Variants in FCHO2 observed in about 807,000 individuals in gnomAD.
FCHO2 encodes FCH and mu domain containing endocytic adaptor 2.
Under a neutral mutation model 114.1 loss-of-function variants are expected in FCHO2, and 43 were observed. That is an observed-to-expected ratio of 0.38 (90% CI 0.30 to 0.49). FCHO2 has a LOEUF of 0.49. Among genes scored for constraint, FCHO2 ranks in the 20% least tolerant of loss-of-function variants. The pLI, the probability that FCHO2 is intolerant of heterozygous loss-of-function variation, is 0.97. For missense variants in FCHO2, 807 were observed against 950.4 expected (o/e 0.85, Z 1.98); for synonymous variants, 293 against 315.2 (o/e 0.93, Z 0.75).
intron 24 of FCHO2, among the ~76,000 whole-genome samples, chr5:73,085,557 T>G (rs997733439): frequency 2.0e-5 from 3 of 146,622 alleles, no homozygotes; most frequent in Non-Finnish European, 3.0e-5. Flanking sequence ...GGTGGATCAC[T>G]TGAGGCCAGG....
At chr5:73,052,084 G>A (rs534974634) in intron 12 of FCHO2, among the ~76,000 whole-genome samples, 33 of 151,792 alleles carry the variant, frequency 2.2e-4, no homozygotes, top group African/African-American at 7.7e-4. Flanking sequence ...CCACCATGCC[G>A]AGCTAATTTT....
chr5:72,980,329 G>A lies in FCHO2; in HGVS notation c.126-9098G>A, dbSNP rs543484147. ...TGAGAGACTGTTTGTTATGATTTCC[G>A]TTCTTTTGCATTTGCTGAGGAGTGT... On this transcript the variant is annotated intron_variant, in intron 2 of 25. Coordinates refer to ENST00000430046, the MANE Select transcript of FCHO2 (RefSeq NM_138782.3). Among the ~76,000 whole-genome samples, 7 of 152,234 alleles carry A rather than the reference G, an allele frequency of 4.6e-5. 1 individual carries two copies. The highest frequency in any genetic ancestry group is 2.1e-4 in the South Asian group (1 of 4,822).
chr5:73,070,310 G>C (rs1244553412), intron 19 of FCHO2, among the ~76,000 whole-genome samples: 2 of 152,086 alleles, frequency 1.3e-5, no homozygotes, highest in Non-Finnish European at 2.9e-5. Flanking sequence ...AAAATGGCTT[G>C]ATTTCTAAAT....
intron 5 of FCHO2, among the ~76,000 whole-genome samples, chr5:73,003,853 G>T (rs1183879747): frequency 6.6e-6 from 1 of 151,796 alleles, no homozygotes; most frequent in Non-Finnish European, 1.5e-5. Context: ...AGATCAGCTT[G>T]GCCAACATGG....
chr5:72,979,591 C>T (rs1753083534), intron 2 of FCHO2, among the ~76,000 whole-genome samples: 1 of 151,028 alleles, frequency 6.6e-6, no homozygotes, highest in African/African-American at 2.4e-5. Context: ...CGGGGTTTCA[C>T]CGTGTTAGCC....
intron 5 of FCHO2, chr5:72,997,250 G>A: frequency 8.4e-7 from 1 of 1,191,400 alleles, no homozygotes; most frequent in Non-Finnish European, 1.2e-6. Context: ...GAGGCCCCAT[G>A]TGGATTTCTT....
intron 1 of FCHO2, among the ~76,000 whole-genome samples, chr5:72,961,975 A>G (rs1751899884): frequency 6.6e-6 from 1 of 152,162 alleles, no homozygotes; most frequent in South Asian, 2.1e-4. Flanking sequence ...TTATTGTATA[A>G]CTTTTAGCAA....
intron 11 of FCHO2, among the ~76,000 whole-genome samples, chr5:73,044,664 T>C (rs1756970359): frequency 6.6e-6 from 1 of 152,144 alleles, no homozygotes; most frequent in African/African-American, 2.4e-5. Context: ...GTGTAATTGC[T>C]CTTTTTTTCT....
rs1335616698 is a variant in FCHO2, at chr5:73,037,925, A to T, written c.914+710A>T. The T allele has an allele frequency of 8.7e-5, 26 of 299,932 alleles. 1 individual carries two copies. The highest frequency in any genetic ancestry group is 6.6e-4 in the South Asian group (26 of 39,472). The allele number at this position is 299,932 out of a possible 1,614,324, so 18.6% of individuals were successfully genotyped here. A position where few individuals can be genotyped will look rare whatever the true frequency, so the allele number is the denominator to read the frequency against. The stretch of plus-strand genomic sequence containing the variant: ...CGGCGCCCACCACCACATCTGGCTA[A>T]TTTTTTGTATTTTTAGTAGAGACAG... On this transcript the variant is annotated intron_variant, in intron 10 of 25. Coordinates refer to ENST00000430046, the MANE Select transcript of FCHO2 (RefSeq NM_138782.3).
intron 19 of FCHO2, 112 bp downstream of exon 19, chr5:73,068,891 T>A (rs1175973232): frequency 7.8e-7 from 1 of 1,283,992 alleles, no homozygotes; most frequent in African/African-American, 1.5e-5. Context: ...ATAAATTTTG[T>A]TTTTCTGGAA....
At chr5:73,077,259 C>T (rs543977937) in intron 20 of FCHO2, 79 bp from the exon 21 acceptor site, 16 of 1,357,344 alleles carry the variant, frequency 1.2e-5, no homozygotes, top group South Asian at 4.4e-5. Flanking sequence ...CACGTGCACG[C>T]GTGTGCCTTT....
chr5:73,001,054 G>A (rs1023113601), intron 5 of FCHO2, among the ~76,000 whole-genome samples: 2 of 152,080 alleles, frequency 1.3e-5, no homozygotes, highest in African/African-American at 4.8e-5. Flanking sequence ...TAATAATTTA[G>A]TATTGTGTAG....
chr5:72,984,118 T>C (rs1361826661), intron 2 of FCHO2, among the ~76,000 whole-genome samples: 1 of 152,186 alleles, frequency 6.6e-6, no homozygotes, highest in Non-Finnish European at 1.5e-5. Context: ...AATTTGCATT[T>C]CTCTGGTGAA....
Position 73,088,069 on chromosome 5 carries a change from A to G in FCHO2, c.2412A>G (p.Gly804=). The G allele has an allele frequency of 3.1e-6, 5 of 1,613,574 alleles. No homozygotes were observed. The highest frequency in any genetic ancestry group is 4.2e-6 in the Non-Finnish European group (5 of 1,179,744). ...LSLIKKRFAT[G]RYLADC The stretch of plus-strand genomic sequence containing the variant: ...AAAGGTCTGCTTGGCGTTTTTCAGG[A>G]CGATACCTGGCGGATTGTTGATGGA... Residue 804 remains glycine, a splice_region_variant and synonymous_variant, in exon 26 of 26, where the codon GGA becomes GGG. Transcript: ENST00000430046.
At chr5:72,968,003 C>T (rs143486194) in intron 1 of FCHO2, among the ~76,000 whole-genome samples, 40 of 151,730 alleles carry the variant, frequency 2.6e-4, no homozygotes, top group African/African-American at 9.4e-4. Context: ...CGGCTCACTG[C>T]AAGCTCTGCC....
intron 24 of FCHO2, among the ~76,000 whole-genome samples, chr5:73,086,622 T>C (rs781069902): frequency 6.6e-6 from 1 of 152,214 alleles, no homozygotes; most frequent in Non-Finnish European, 1.5e-5. Context: ...TTTCCTATCA[T>C]CTAGAGTCCT....
intron 5 of FCHO2, among the ~76,000 whole-genome samples, chr5:73,002,751 A>G (rs1754512988): frequency 6.6e-6 from 1 of 152,208 alleles, no homozygotes; most frequent in South Asian, 2.1e-4. Context: ...AATGTTTTTA[A>G]GGCTAAATAC....
At chr5:72,958,043 G>GTT (rs567866910) in intron 1 of FCHO2, among the ~76,000 whole-genome samples, 1 of 142,716 alleles carries the variant, frequency 7.0e-6, no homozygotes, top group Admixed American at 7.0e-5. Context: ...AGTTGTAAGA[G>GTT]TTTTTTTTTT....
intron 15 of FCHO2, 98 bp downstream of exon 15, chr5:73,054,647 T>A (rs1318689208): frequency 1.1e-6 from 1 of 886,866 alleles, no homozygotes; most frequent in African/African-American, 1.7e-5. Flanking sequence ...AATGATCTTT[T>A]CTCATCATGA....
Sources: allele counts gnomAD v4.1 joint callset (sites outside exome capture counted in the v4.1 genomes callset), GRCh38; gene constraint gnomAD v4.1.1; transcripts MANE v1.5; gene names NCBI Gene and HGNC (gene_info 2026-07-23, HGNC 2026-07-21).